Variants in TOX2 observed in about 807,000 individuals in gnomAD.
The protein encoded by TOX2 is granulosa cell HMG box 1.
A neutral mutation model predicts 47.4 loss-of-function variants in TOX2; 15 were observed. The ratio of observed to expected loss-of-function variants is 0.32; its 90% CI spans 0.21 to 0.49. TOX2 has a LOEUF of 0.49. Among genes scored for constraint, TOX2 ranks in the 20% least tolerant of loss-of-function variants. The pLI, the probability that TOX2 is intolerant of heterozygous loss-of-function variation, is 0.99. For synonymous variants in TOX2, 290 were observed against 296.6 expected, an observed-to-expected ratio of 0.98 and a Z score of 0.23; for missense variants, 622 against 673.1, an observed-to-expected ratio of 0.92 and a Z score of 0.84.
intron 1 of TOX2, among the ~76,000 whole-genome samples, chr20:43,928,006 A>C (rs1384872464): frequency 6.6e-6 from 1 of 152,190 alleles, no homozygotes; most frequent in Non-Finnish European, 1.5e-5. Context: ...CCACCAGGCT[A>C]GGCTGGGGAC....
intron 1 of TOX2, among the ~76,000 whole-genome samples, chr20:43,954,430 A>C (rs1226039782): frequency 6.6e-6 from 1 of 152,030 alleles, no homozygotes; most frequent in African/African-American, 2.4e-5. Context: ...TGCCTCCTGC[A>C]GTGGACTCTG....
At chr20:43,922,841 G>C (rs1414554263) in intron 1 of TOX2, among the ~76,000 whole-genome samples, 1 of 152,196 alleles carries the variant, frequency 6.6e-6, no homozygotes, top group East Asian at 1.9e-4. Flanking sequence ...TTTTTATTGA[G>C]TGCCTACTGG....
At chr20:43,951,208 A>T (rs1352133096) in intron 1 of TOX2, among the ~76,000 whole-genome samples, 1 of 152,156 alleles carries the variant, frequency 6.6e-6, no homozygotes, top group Non-Finnish European at 1.5e-5. Context: ...GTGGGTTTGA[A>T]TCCCAGCTCC....
chr20:43,962,088 G>C (rs1374150977), intron 1 of TOX2, among the ~76,000 whole-genome samples: 1 of 152,262 alleles, frequency 6.6e-6, no homozygotes, highest in Non-Finnish European at 1.5e-5. Context: ...TACAATCGGG[G>C]ATGGGAGAGA....
rs1231153799 is a variant in TOX2 at position 44,006,592 on chromosome 20, C to G, written c.211C>G (p.Pro71Ala). Residue 71 changes from proline (P) to alanine (A), a missense_variant, in exon 3 of 9, where the codon CCG becomes GCG. This residue lies in a region of TOX2 where 307 missense variants were observed against 327.3 expected (regional missense o/e 0.94). Transcript: ENST00000341197. ...SENNEDYEIP[P>A]ITPPNLPEPS... ...GAACAACGAAGACTATGAGATCCCC[C>G]CGATAACACCTCCCAACCTCCCGGA... The G allele has an allele frequency of 3.7e-6, 6 of 1,613,918 alleles. No individual in the cohort carries two copies. Among genetic ancestry groups the G allele is most frequent in the Non-Finnish European group, 5.1e-6 (6 of 1,180,028 alleles).
chr20:44,057,308 GATGTTCAGCA>G, intron 5 of TOX2, among the ~76,000 whole-genome samples: 1 of 152,302 alleles, frequency 6.6e-6, no homozygotes, highest in Middle Eastern at 3.4e-3. Flanking sequence ...CTAAAAAAGA[GATGTTCAGCA>G]ATGGCGGGGA....
rs1189698652 is a variant in TOX2, at chr20:44,006,636, G to A, written c.255G>A (p.Leu85=). 6.2e-7 allele frequency: 1 copy of A among 1,614,028 alleles called. No homozygotes were observed. Among genetic ancestry groups the A allele is most frequent in the South Asian group, 1.1e-5 (1 of 91,062 alleles). ...TCCCGGAGCCATCCCTCCTGCACCT[G>A]GGGGACCACGAAGCCAGCTACCACT... ...PNLPEPSLLH[L]GDHEASYHSL... Residue 85 remains leucine (L), a synonymous_variant, in exon 3 of 9, where the codon CTG becomes CTA. Coordinates refer to ENST00000341197, the MANE Select transcript of TOX2 (RefSeq NM_001098797.2).
intron 2 of TOX2, among the ~76,000 whole-genome samples, chr20:43,979,411 C>CT (rs952062118): frequency 6.6e-6 from 1 of 152,124 alleles, no homozygotes; most frequent in Admixed American, 6.6e-5. Flanking sequence ...AGGAGGAGAA[C>CT]TTGGAGTCTT....
At chr20:44,063,787 T>TAC (rs61481919) in intron 5 of TOX2, among the ~76,000 whole-genome samples, 5,763 of 133,812 alleles carry the variant, frequency 0.043, 354 homozygotes, top group African/African-American at 0.14. Context: ...CATATATATG[T>TAC]ACACACACAC....
chr20:43,945,719 A>G, intron 1 of TOX2: 1 of 753,846 alleles, frequency 1.3e-6, no homozygotes, highest in Admixed American at 3.0e-5. Context: ...GGAGCTCCGA[A>G]CACGCAGGCC....
intron 5 of TOX2, among the ~76,000 whole-genome samples, chr20:44,059,776 T>G (rs1013963097): frequency 5.3e-5 from 8 of 152,188 alleles, no homozygotes; most frequent in African/African-American, 1.9e-4. Flanking sequence ...AACAAATTTT[T>G]GAAATACACA....
intron 2 of TOX2, among the ~76,000 whole-genome samples, chr20:43,980,677 TAAATC>T (rs909425973): frequency 3.3e-5 from 5 of 152,146 alleles, no homozygotes; most frequent in Admixed American, 1.3e-4. Flanking sequence ...TGATAAATGT[TAAATC>T]AAACATTTAA....
intron 1 of TOX2, among the ~76,000 whole-genome samples, chr20:43,956,438 G>A (rs2069669857): frequency 6.6e-6 from 1 of 151,916 alleles, no homozygotes; most frequent in African/African-American, 2.4e-5. Context: ...GCGCATGCCT[G>A]TAATTCCAGC....
chr20:43,943,216 C>T (rs1018963266), intron 1 of TOX2, among the ~76,000 whole-genome samples: 1 of 152,158 alleles, frequency 6.6e-6, no homozygotes, highest in Non-Finnish European at 1.5e-5. Flanking sequence ...GTGGATGGTA[C>T]GATCACAACC....
At chr20:43,925,621 A>C (rs977288688) in intron 1 of TOX2, among the ~76,000 whole-genome samples, 2 of 152,326 alleles carry the variant, frequency 1.3e-5, no homozygotes, top group African/African-American at 4.8e-5. Flanking sequence ...GTCCCAGCGC[A>C]GGCTTCCTCT....
chr20:44,010,657 G>A (rs934548200), intron 3 of TOX2, among the ~76,000 whole-genome samples: 12 of 152,176 alleles, frequency 7.9e-5, no homozygotes, highest in Admixed American at 2.0e-4. Context: ...GGTGACGCTG[G>A]AATTGGTGTT....
intron 1 of TOX2, among the ~76,000 whole-genome samples, chr20:43,954,342 A>T (rs918192606): frequency 6.6e-6 from 1 of 152,122 alleles, no homozygotes; most frequent in African/African-American, 2.4e-5. Flanking sequence ...CCCTGTCTCC[A>T]CACTTCCTGT....
chr20:44,023,431 G>GGAAAAA (rs1555841868), intron 3 of TOX2, among the ~76,000 whole-genome samples: 1,659 of 118,746 alleles, frequency 0.014, 132 homozygotes, highest in Middle Eastern at 0.02. Flanking sequence ...CTTTATCTCA[G>GGAAAAA]AAAAAAAAAA....
chr20:44,052,677 C>A (rs553581188), intron 4 of TOX2, among the ~76,000 whole-genome samples: 4 of 152,288 alleles, frequency 2.6e-5, no homozygotes, highest in Non-Finnish European at 5.9e-5. Flanking sequence ...TCATAAAAGT[C>A]CTATAGGGCA....
Sources: gnomAD v4.1 joint callset for allele counts (sites outside exome capture counted in the v4.1 genomes callset) on GRCh38, gnomAD v4.1.1 for gene constraint, gnomAD v4.1.1 regional missense constraint, MANE v1.5 for transcripts, NCBI Gene and HGNC (gene_info 2026-07-23, HGNC 2026-07-21) for gene names.